PCDH15: variants seen among roughly 807,000 people sequenced by gnomAD.
PCDH15 encodes the protein protocadherin related 15.
PCDH15 carries 129 observed loss-of-function variants against 178.5 expected under a neutral mutation model. The ratio of observed to expected loss-of-function variants is 0.72; its 90% confidence interval spans 0.63 to 0.84. PCDH15 has a LOEUF of 0.84. PCDH15 is among the 40% of genes least tolerant of loss of function. The pLI is 0.00. For synonymous variants in PCDH15, 800 were observed against 732.0 expected (o/e 1.09, Z -1.50); for missense variants, 2,230 against 2,099.9 (o/e 1.06, Z -1.21).
At chr10:54,117,896 A>G (rs1229746799) in intron 15 of PCDH15, among the ~76,000 whole-genome samples, 1 of 152,142 alleles carries the variant, frequency 6.6e-6, no homozygotes, top group African/African-American at 2.4e-5. Context: ...GGGAGGAAGT[A>G]CATGCTGATT....
At chr10:54,716,524 T>A (rs1337868749) in intron 1 of PCDH15, among the ~76,000 whole-genome samples, 4 of 152,082 alleles carry the variant, frequency 2.6e-5, no homozygotes, top group Admixed American at 2.6e-4. Context: ...TTGAAGCAAT[T>A]GTGAATGGGA....
intron 32 of PCDH15, chr10:53,821,755 T>TTGGGGTAAAATAATAGAGTCTTCTTTG: frequency 6.4e-7 from 1 of 1,555,932 alleles, no homozygotes; most frequent in Non-Finnish European, 8.6e-7. Context: ...TTCATTGAAT[T>TTGGGGTAAAATAATAGAGTCTTCTTTG]TGGGGTAAAA....
intron 2 of PCDH15, among the ~76,000 whole-genome samples, chr10:55,559,364 T>C (rs1021642563): frequency 2.0e-5 from 3 of 151,920 alleles, no homozygotes; most frequent in African/African-American, 7.2e-5. Flanking sequence ...CAAAATACAG[T>C]GTAGTAGAGT....
intron 2 of PCDH15, among the ~76,000 whole-genome samples, chr10:55,493,724 G>A (rs1589079524): frequency 6.6e-6 from 1 of 151,948 alleles, no homozygotes; most frequent in East Asian, 2.0e-4. Flanking sequence ...TGAAATAACT[G>A]GCTGGCAGCT....
chr10:54,197,932 A>G (rs1294393363), intron 10 of PCDH15, among the ~76,000 whole-genome samples: 1 of 152,216 alleles, frequency 6.6e-6, no homozygotes, highest in Non-Finnish European at 1.5e-5. Context: ...TTTTTAATAT[A>G]TTGATATCTC....
At chr10:54,078,448 T>C (rs2094380692) in intron 17 of PCDH15, among the ~76,000 whole-genome samples, 1 of 152,024 alleles carries the variant, frequency 6.6e-6, no homozygotes, top group Non-Finnish European at 1.5e-5. Context: ...TCAGCCAATG[T>C]AGTATATAGA....
intron 1 of PCDH15, among the ~76,000 whole-genome samples, chr10:54,797,647 C>A (rs752538911): frequency 3.3e-5 from 5 of 151,738 alleles, no homozygotes; most frequent in Non-Finnish European, 5.9e-5. Context: ...TTGCTGGCTT[C>A]ATTTATAAGT....
chr10:54,002,536 T>C (rs1024831793), intron 20 of PCDH15, among the ~76,000 whole-genome samples: 1 of 152,118 alleles, frequency 6.6e-6, no homozygotes, highest in African/African-American at 2.4e-5. Context: ...AATAACAACA[T>C]AAATTTTGGA....
intron 21 of PCDH15, among the ~76,000 whole-genome samples, chr10:53,984,136 C>CTTTTTTTTTTTTTTTTTTTTTTTT (rs1564928589): frequency 1.4e-5 from 1 of 73,552 alleles, no homozygotes; most frequent in African/African-American, 6.8e-5. Context: ...TTTTTTTTTT[C>CTTTTTTTTTTTTTTTTTTTTTTTT]TTTTTTCTTT....
At chr10:55,369,805 G>A (rs1429856662) in intron 2 of PCDH15, among the ~76,000 whole-genome samples, 1 of 151,864 alleles carries the variant, frequency 6.6e-6, no homozygotes, top group Non-Finnish European at 1.5e-5. Context: ...AGCCAATTGT[G>A]TACAATTTTC....
intron 3 of PCDH15, among the ~76,000 whole-genome samples, chr10:54,477,993 C>G (rs1463828976): frequency 6.6e-6 from 1 of 152,066 alleles, no homozygotes; most frequent in Non-Finnish European, 1.5e-5. Flanking sequence ...TTTCAGGTAT[C>G]AAAATTTATA....
intron 2 of PCDH15, among the ~76,000 whole-genome samples, chr10:54,953,788 T>A (rs896032480): frequency 1.3e-4 from 20 of 151,322 alleles, no homozygotes; most frequent in African/African-American, 4.8e-4. Context: ...TTATAAGATA[T>A]TAAAACTGTA....
chr10:54,821,674 T>C (rs1453715868), intron 3 of PCDH15, among the ~76,000 whole-genome samples: 1 of 152,136 alleles, frequency 6.6e-6, no homozygotes, highest in Non-Finnish European at 1.5e-5. Context: ...CTAGTGAGAA[T>C]GTAAAAGTAA....
chr10:55,518,080 A>G (rs1344684597), intron 2 of PCDH15, among the ~76,000 whole-genome samples: 4 of 152,120 alleles, frequency 2.6e-5, no homozygotes, highest in Admixed American at 2.6e-4. Context: ...GAGGACAGGA[A>G]CATAACTTCC....
At chr10:54,053,403 G>A (rs2093819717) in intron 18 of PCDH15, among the ~76,000 whole-genome samples, 1 of 152,158 alleles carries the variant, frequency 6.6e-6, no homozygotes, top group Non-Finnish European at 1.5e-5. Context: ...GGGCTATGTA[G>A]TGAAATTTCT....
chr10:54,752,283 T>C (rs953172705), intron 1 of PCDH15, among the ~76,000 whole-genome samples: 1 of 151,200 alleles, frequency 6.6e-6, no homozygotes, highest in Non-Finnish European at 1.5e-5. Context: ...GAGACCATCC[T>C]GGCTAACATG....
chr10:54,315,542 C>T lies in PCDH15; in HGVS notation c.876+1729G>A, dbSNP rs1485316643. 2.0e-5 allele frequency among the ~76,000 whole-genome samples: 3 copies of T among 152,136 alleles called. No individual in the cohort carries two copies. The East Asian group carries it at 5.8e-4, about 29-fold the overall frequency. Reference sequence around the variant, plus strand: ...GAAGCTCTTAAGTTTAATTAGATCCCATTTGTCAATGTTTGCTTTTGTTGC... The same window carrying T: ...GAAGCTCTTAAGTTTAATTAGATCCTATTTGTCAATGTTTGCTTTTGTTGC... On this transcript the variant is annotated intron_variant, in intron 8 of 37. Coordinates refer to ENST00000644397, the MANE Select transcript of PCDH15 (RefSeq NM_001384140.1).
intron 2 of PCDH15, among the ~76,000 whole-genome samples, chr10:55,518,816 C>G (rs1051262064): frequency 6.6e-6 from 1 of 151,856 alleles, no homozygotes; most frequent in Non-Finnish European, 1.5e-5. Flanking sequence ...TAATCTGGGC[C>G]GGGGCGTGGT....
intron 2 of PCDH15, among the ~76,000 whole-genome samples, chr10:55,008,534 T>A (rs147394180): frequency 6.6e-6 from 1 of 152,186 alleles, no homozygotes; most frequent in Non-Finnish European, 1.5e-5. Context: ...TACATTGGTC[T>A]TTGTAAGATG....
Sources: gnomAD v4.1 joint callset for allele counts (sites outside exome capture counted in the v4.1 genomes callset) on GRCh38, gnomAD v4.1.1 for gene constraint, MANE v1.5 for transcripts, NCBI Gene and HGNC (gene_info 2026-07-23, HGNC 2026-07-21) for gene names.